Variants in SLC39A9 observed in about 807,000 individuals in gnomAD.
SLC39A9 encodes the protein solute carrier family 39 member 9.
SLC39A9 carries 14 observed loss-of-function variants against 28.4 expected under a neutral mutation model. The ratio of observed to expected loss-of-function variants is 0.49; its 90% confidence interval spans 0.33 to 0.77. The LOEUF (loss-of-function observed/expected upper bound fraction) is 0.77. Among genes scored for constraint, SLC39A9 ranks in the 30% least tolerant of loss-of-function variants. The pLI is 0.02. For missense variants in SLC39A9, 283 were observed against 381.1 expected, an observed-to-expected ratio of 0.74 and a Z score of 2.14; for synonymous variants, 119 against 149.6, an observed-to-expected ratio of 0.80 and a Z score of 1.49.
intron 1 of SLC39A9, among the ~76,000 whole-genome samples, chr14:69,421,066 A>G (rs1883861527): frequency 6.6e-6 from 1 of 152,128 alleles, no homozygotes; most frequent in African/African-American, 2.4e-5. Context: ...TTTGGAGGAG[A>G]AGAGGTGCTC....
rs552141208 is a variant in SLC39A9 at position 69,460,215 on chromosome 14, CTA to C, written c.*1624_*1625del. ...ACGTAGTAGTTTGTAAAAACGTTTT[CTA>C]TGACGCATAAGCTAGCATGCCTATG... On this transcript the variant is annotated 3_prime_UTR_variant, in exon 7 of 7. Transcript: ENST00000336643. The C allele has an allele frequency of 5.6e-3, 5,518 of 985,808 alleles. 21 individuals are homozygous for C. Among genetic ancestry groups the C allele is most frequent in the Non-Finnish European group, 6.3e-3 (5,211 of 829,890 alleles). The allele number at this position is 985,808 out of a possible 1,614,324, so 61.1% of individuals were successfully genotyped here.
At position 69,458,521 on chromosome 14, in the gene SLC39A9, C is replaced by A. The variant is rs1885973244; in HGVS notation, c.852C>A (p.Ser284Arg). Residue 284 changes from serine to arginine, a missense_variant, in exon 7 of 7, where the codon AGC becomes AGA. Coordinates refer to ENST00000336643, the MANE Select transcript of SLC39A9 (RefSeq NM_018375.5). ...ATGCCACGGGAGGGAGAGGCCTCAG[C>A]CGCCTGGAAGTGGCAGCCCTGGTTC... ...KPDATGGRGLSRLEVAALVLG... is the reference protein window; with the variant it reads ...KPDATGGRGLRRLEVAALVLG... The A allele has an allele frequency of 1.9e-6, 3 of 1,614,244 alleles. No individual in the cohort carries two copies. The highest frequency in any genetic ancestry group is 2.5e-6 in the Non-Finnish European group (3 of 1,180,040).
chr14:69,414,810 C>G (rs1443413206), intron 1 of SLC39A9, among the ~76,000 whole-genome samples: 2 of 152,210 alleles, frequency 1.3e-5, no homozygotes, highest in Middle Eastern at 3.2e-3. Context: ...CCTCTCATCA[C>G]TGGTCACCAG....
intron 2 of SLC39A9, among the ~76,000 whole-genome samples, chr14:69,425,526 T>G (rs1159312454): frequency 6.6e-6 from 1 of 152,216 alleles, no homozygotes; most frequent in African/African-American, 2.4e-5. Context: ...CTGTCTGCAA[T>G]TCTTATGAAA....
intron 1 of SLC39A9, among the ~76,000 whole-genome samples, chr14:69,417,401 T>G (rs1407457710): frequency 2.0e-5 from 3 of 152,246 alleles, no homozygotes; most frequent in Non-Finnish European, 4.4e-5. Context: ...GGAAGTCAGA[T>G]AGTGTGATGC....
intron 2 of SLC39A9, among the ~76,000 whole-genome samples, chr14:69,439,053 A>C (rs544282518): frequency 1.3e-5 from 2 of 152,288 alleles, no homozygotes; most frequent in Non-Finnish European, 1.5e-5. Context: ...TCCACACACA[A>C]AAAAATTAGA....
intron 4 of SLC39A9, among the ~76,000 whole-genome samples, chr14:69,453,528 A>G (rs1259276317): frequency 1.3e-5 from 2 of 152,128 alleles, no homozygotes; most frequent in East Asian, 1.9e-4. Context: ...GGTTTAAAAA[A>G]AAAAAGAGAG....
intron 1 of SLC39A9, 54 bp downstream of exon 1, chr14:69,399,519 T>G: frequency 6.9e-7 from 1 of 1,450,580 alleles, no homozygotes; most frequent in Non-Finnish European, 9.6e-7. Flanking sequence ...AGATAGTAGT[T>G]TTAGTTGCAA....
Position 69,413,064 on chromosome 14 carries a change from T to G in SLC39A9, c.97-11030T>G, listed in dbSNP as rs1329867665. Among the ~76,000 whole-genome samples the G allele has an allele frequency of 3.9e-5, 6 of 152,106 alleles. No homozygotes were observed. In the East Asian group the frequency reaches 9.6e-4, roughly 24 times the overall value. On this transcript the variant is annotated intron_variant, in intron 1 of 6. Coordinates refer to ENST00000336643, the MANE Select transcript of SLC39A9 (RefSeq NM_018375.5). ...CATAGATCAGTCATATATTTAAAATTTCAAAGACTCGGCCAGGCGCAGTGG... is the reference window on the plus strand; with the variant it reads ...CATAGATCAGTCATATATTTAAAATGTCAAAGACTCGGCCAGGCGCAGTGG...
chr14:69,448,730 A>G (rs572263065), intron 3 of SLC39A9, among the ~76,000 whole-genome samples: 1 of 152,374 alleles, frequency 6.6e-6, no homozygotes, highest in South Asian at 2.1e-4. Flanking sequence ...AGCAGTTGAC[A>G]AAATTACAAT....
intron 2 of SLC39A9, among the ~76,000 whole-genome samples, chr14:69,437,360 C>G (rs138576593): frequency 2.6e-5 from 4 of 152,120 alleles, no homozygotes; most frequent in Non-Finnish European, 5.9e-5. Context: ...GTCCTTTGGC[C>G]GGAAAGACAG....
In SLC39A9 at chr14:69,459,872, G is replaced by A; in HGVS notation, c.*1279G>A. 1.0e-6 allele frequency: 1 copy of A among 985,102 alleles called. No individual in the cohort carries two copies. The highest frequency in any genetic ancestry group is 1.7e-5 in the African/African-American group (1 of 57,324). 61.0% of individuals were successfully genotyped at this position (985,102 alleles called of 1,614,324 possible). On this transcript the variant is annotated 3_prime_UTR_variant, in exon 7 of 7. Transcript: ENST00000336643. ...CCACTTCTCGAACTGTAATAATGAA[G>A]ATAATAATATCTTTATTCTTTATCC...
At chr14:69,415,652 AG>A (rs1883528687) in intron 1 of SLC39A9, among the ~76,000 whole-genome samples, 1 of 46,418 alleles carries the variant, frequency 2.2e-5, no homozygotes, top group Admixed American at 1.7e-4. Flanking sequence ...GCTGGGGATC[AG>A]GGGGGATTCT....
intron 2 of SLC39A9, among the ~76,000 whole-genome samples, chr14:69,436,958 C>T (rs2140290891): frequency 6.6e-6 from 1 of 152,278 alleles, no homozygotes; most frequent in Non-Finnish European, 1.5e-5. Flanking sequence ...AGCTCCGCCT[C>T]CCGGGTTCAT....
intron 1 of SLC39A9, among the ~76,000 whole-genome samples, chr14:69,406,548 C>T (rs1012525126): frequency 2.6e-5 from 4 of 151,962 alleles, no homozygotes; most frequent in Admixed American, 1.3e-4. Context: ...CTGGGCTGAG[C>T]GCAGTGGCTC....
intron 1 of SLC39A9, among the ~76,000 whole-genome samples, chr14:69,401,445 T>A (rs1284236389): frequency 2.0e-5 from 3 of 152,212 alleles, no homozygotes; most frequent in Non-Finnish European, 4.4e-5. Context: ...TTGGGTTGGT[T>A]TGTGTATTTT....
chr14:69,426,206 A>C (rs896209798), intron 2 of SLC39A9, among the ~76,000 whole-genome samples: 8 of 152,114 alleles, frequency 5.3e-5, no homozygotes, highest in Non-Finnish European at 1.2e-4. Flanking sequence ...CCACAGATCT[A>C]GGGCTCAGTC....
chr14:69,445,668 G>A (rs78387643), intron 3 of SLC39A9, among the ~76,000 whole-genome samples: 18,549 of 152,190 alleles, frequency 0.12, 1,367 homozygotes, highest in Middle Eastern at 0.24. Flanking sequence ...AAAAGAAACA[G>A]AAGAAGAACT....
intron 3 of SLC39A9, among the ~76,000 whole-genome samples, chr14:69,452,724 G>T (rs1401317758): frequency 6.6e-6 from 1 of 152,106 alleles, no homozygotes; most frequent in Non-Finnish European, 1.5e-5. Context: ...GCTAATTTAG[G>T]TTTGAGTGAT....
Sources: gnomAD v4.1 joint callset for allele counts (sites outside exome capture counted in the v4.1 genomes callset) on GRCh38, gnomAD v4.1.1 for gene constraint, MANE v1.5 for transcripts, NCBI Gene and HGNC (gene_info 2026-07-23, HGNC 2026-07-21) for gene names.